Variants in TAF1 observed in about 807,000 individuals in gnomAD.
TAF1 encodes TATA-box binding protein associated factor 1.
TAF1 carries 2 observed loss-of-function variants against 138.5 expected under a neutral mutation model. The ratio of observed to expected loss-of-function variants is 0.01; its 90% CI spans 0.01 to 0.05. The LOEUF (loss-of-function observed/expected upper bound fraction) is 0.05, where lower values mean the gene tolerates loss of function less well. TAF1 is among the 10% of genes least tolerant of loss of function. The pLI is 1.00. For missense variants in TAF1, 709 were observed against 1,478.0 expected (o/e 0.48, Z 8.53); for synonymous variants, 437 against 503.2 (o/e 0.87, Z 1.76).
chrX:71,502,263 G>A lies in TAF1; in HGVS notation c.1367-26279G>A, dbSNP rs185608844. 2.6e-3 allele frequency among the ~76,000 whole-genome samples: 292 copies of A among 111,048 alleles called. 1 individual carries two copies. Among genetic ancestry groups the A allele is most frequent in the Admixed American group, 6.8e-3 (71 of 10,442 alleles). ...GCATTTTTACAGAGTGCTGATTGGC[G>A]CATTTACAATCCTTTAGCTAGACAC... On this transcript the variant is annotated intron_variant and NMD_transcript_variant, in intron 13 of 14. Coordinates refer to the TAF1 transcript ENST00000373775.
intron 13 of TAF1, among the ~76,000 whole-genome samples, chrX:71,489,332 G>A (rs1378956346): frequency 9.1e-6 from 1 of 110,491 alleles, no homozygotes; most frequent in Non-Finnish European, 1.9e-5. Flanking sequence ...CTGAGAGAGG[G>A]GGCTGAAATG....
At chrX:71,396,861 C>T (rs186276275) in intron 22 of TAF1, among the ~76,000 whole-genome samples, 17 of 108,213 alleles carry the variant, frequency 1.6e-4, no homozygotes, top group Admixed American at 1.4e-3. Context: ...GACAAGACCC[C>T]GTCTCTACAA....
At chrX:71,519,546 G>A (rs2147630660) in intron 13 of TAF1, among the ~76,000 whole-genome samples, 1 of 106,771 alleles carries the variant, frequency 9.4e-6, no homozygotes, top group South Asian at 4.3e-4. Context: ...GGGAGGCTGA[G>A]GCAGGAGAAT....
chrX:71,409,694 G>A (rs1715055188), intron 28 of TAF1, among the ~76,000 whole-genome samples: 2 of 110,741 alleles, frequency 1.8e-5, no homozygotes, highest in African/African-American at 3.3e-5. Flanking sequence ...TTCACAAGCA[G>A]GCCCAACCCA....
At position 71,375,301 on chromosome X, in the gene TAF1, T is replaced by C. The variant is rs1469546591; in HGVS notation, c.472+15T>C. 8.3e-7 allele frequency: 1 copy of C among 1,203,658 alleles called. No homozygotes were observed. The highest frequency in any genetic ancestry group is 1.1e-6 in the Non-Finnish European group (1 of 892,282). On this transcript the variant is annotated intron_variant, in intron 4 of 37. Coordinates refer to ENST00000423759, the MANE Select transcript of TAF1 (RefSeq NM_004606.5). ...TATTACTGGTGGTAAGTAGAGATTGTCTACTTTTGTCTGAGGAGCAAGTTT... is the reference window on the plus strand; with the variant it reads ...TATTACTGGTGGTAAGTAGAGATTGCCTACTTTTGTCTGAGGAGCAAGTTT...
At chrX:71,483,788 A>C (rs867054728) in intron 13 of TAF1, among the ~76,000 whole-genome samples, 18 of 94,767 alleles carry the variant, frequency 1.9e-4, no homozygotes, top group African/African-American at 3.7e-4. Flanking sequence ...CTCTATATAT[A>C]TATATATATA....
At chrX:71,432,500 T>C (rs748608308) in intron 32 of TAF1, among the ~76,000 whole-genome samples, 4 of 95,896 alleles carry the variant, frequency 4.2e-5, no homozygotes, top group Non-Finnish European at 8.5e-5. Context: ...AGATGGAGAC[T>C]TTTTTTTTTT....
intron 18 of TAF1, among the ~76,000 whole-genome samples, chrX:71,392,040 CT>C (rs1319760749): frequency 9.0e-6 from 1 of 111,323 alleles, no homozygotes; most frequent in Admixed American, 9.6e-5. Context: ...GAGGACAGAC[CT>C]TTTTGACCAA....
chrX:71,404,245 T>A (rs970492043), intron 25 of TAF1, among the ~76,000 whole-genome samples: 2 of 111,442 alleles, frequency 1.8e-5, no homozygotes, highest in African/African-American at 6.5e-5. Flanking sequence ...GTGCTGGGAT[T>A]ACAGGCGTGA....
chrX:71,444,993 G>T (rs1162213369), intron 32 of TAF1, among the ~76,000 whole-genome samples: 4 of 110,684 alleles, frequency 3.6e-5, no homozygotes, highest in Admixed American at 1.9e-4. Flanking sequence ...CTCCCAATGT[G>T]CTGGGATTAC....
chrX:71,408,562 G>A (rs924906204), intron 28 of TAF1, among the ~76,000 whole-genome samples: 1 of 111,226 alleles, frequency 9.0e-6, no homozygotes, highest in African/African-American at 3.3e-5. Flanking sequence ...TCATCCACCC[G>A]CCTCAGCCTC....
In TAF1 at chrX:71,459,675, G is replaced by C. The variant is rs1056349370; in HGVS notation, c.5188G>C (p.Gly1730Arg). 2.2e-5 allele frequency: 27 copies of C among 1,209,308 alleles called. No homozygotes were observed. Among genetic ancestry groups the C allele is most frequent in the Non-Finnish European group, 3.0e-5 (27 of 894,928 alleles). The change falls in exon 36 of 38, where the codon GGG becomes CGG. Residue 1730 changes from glycine (G) to arginine (R), a missense_variant. By Grantham distance (125) the Gly-to-Arg change is moderately radical (BLOSUM62 -2). Coordinates refer to ENST00000423759, the MANE Select transcript of TAF1 (RefSeq NM_004606.5). ...AGGAGAAGATGATGAGGAAGATGCT[G>C]GGAGTGATGAAGAAGGAGACAATCC... ...SEGEDDEEDA[G>R]SDEEGDNPFS...
intron 32 of TAF1, among the ~76,000 whole-genome samples, chrX:71,433,941 A>G (rs2037013258): frequency 8.9e-6 from 1 of 112,209 alleles, no homozygotes; most frequent in Non-Finnish European, 1.9e-5. Context: ...GAAAGACACC[A>G]TAAAGACATT....
chrX:71,396,128 G>A (rs1179735192), intron 22 of TAF1, among the ~76,000 whole-genome samples: 2 of 104,243 alleles, frequency 1.9e-5, no homozygotes, highest in Non-Finnish European at 3.9e-5. Flanking sequence ...TACCCTGGGC[G>A]ACAGAGTGAA....
intron 22 of TAF1, among the ~76,000 whole-genome samples, chrX:71,395,446 A>G (rs2034796707): frequency 9.0e-6 from 1 of 111,172 alleles, no homozygotes; most frequent in South Asian, 3.8e-4. Context: ...CAGAGGTTGC[A>G]GTGAGCTGAG....
At chrX:71,409,101 A>G (rs2035634554) in intron 28 of TAF1, among the ~76,000 whole-genome samples, 1 of 111,189 alleles carries the variant, frequency 9.0e-6, no homozygotes, top group South Asian at 3.7e-4. Context: ...CTGTGTCTGA[A>G]TCTTCGATTT....
At chrX:71,383,917 AGT>A in intron 12 of TAF1, 43 bp from the exon 13 acceptor site, 1 of 1,168,122 alleles carries the variant, frequency 8.6e-7, no homozygotes, top group Non-Finnish European at 1.2e-6. Flanking sequence ...TGTGTGTAGT[AGT>A]GTCCTGTCAG....
intron 13 of TAF1, among the ~76,000 whole-genome samples, chrX:71,505,999 G>C (rs1442207886): frequency 9.4e-6 from 1 of 106,098 alleles, no homozygotes; most frequent in African/African-American, 3.5e-5. Context: ...CAGCCCAGGC[G>C]ACAGAGCAAG....
At chrX:71,494,039 C>T (rs1010931736) in intron 13 of TAF1, among the ~76,000 whole-genome samples, 2 of 111,761 alleles carry the variant, frequency 1.8e-5, no homozygotes, top group African/African-American at 6.5e-5. Flanking sequence ...TTGAGGCAAG[C>T]TTGTCCAATC....
Sources: gnomAD v4.1 joint callset for allele counts (sites outside exome capture counted in the v4.1 genomes callset) on GRCh38, gnomAD v4.1.1 for gene constraint, MANE v1.5 for transcripts, NCBI Gene and HGNC (gene_info 2026-07-23, HGNC 2026-07-21) for gene names.